The following STAG1 variants were observed in gnomAD, a reference collection of about 807,000 sequenced individuals.
STAG1 encodes the protein STAG1 cohesin complex component.
Under a neutral mutation model 170.9 loss-of-function variants are expected in STAG1, and 26 were observed. The ratio of observed to expected loss-of-function variants is 0.15; its 90% confidence interval spans 0.11 to 0.21. STAG1 has a LOEUF of 0.21. STAG1 is among the 10% of genes least tolerant of loss of function. The pLI is 1.00. For synonymous variants in STAG1, 514 were observed against 497.7 expected, an observed-to-expected ratio of 1.03 and a Z score of -0.44; for missense variants, 964 against 1,509.5, an observed-to-expected ratio of 0.64 and a Z score of 5.99.
chr3:136,666,404 G>A (rs1941776942), intron 1 of STAG1, among the ~76,000 whole-genome samples: 1 of 152,184 alleles, frequency 6.6e-6, no homozygotes, highest in South Asian at 2.1e-4. Context: ...TTCTAAATTT[G>A]TGGTAATTTA....
Position 136,472,511 on chromosome 3 carries a change from AAAAC to A in STAG1, c.1126-23_1126-20del, listed in dbSNP as rs749700006. On this transcript the variant is annotated intron_variant, in intron 11 of 33. Transcript: ENST00000383202. ...TGCGATCCTGAGAAAAAAAAGTTGT[AAAAC>A]AAACCAACTATGAACAGAAAATAAG... is the stretch of plus-strand genomic sequence containing the variant. The A allele has an allele frequency of 8.6e-5, 136 of 1,574,652 alleles. No individual in the cohort carries two copies. In the Admixed American group the frequency reaches 1.1e-3, roughly 13 times the overall value.
intron 1 of STAG1, among the ~76,000 whole-genome samples, chr3:136,687,849 G>A (rs1235919642): frequency 6.6e-6 from 1 of 151,276 alleles, no homozygotes; most frequent in Non-Finnish European, 1.5e-5. Flanking sequence ...TGATTCTCCT[G>A]CCTCAGCCTC....
chr3:136,688,012 C>T (rs1329922697), intron 1 of STAG1, among the ~76,000 whole-genome samples: 4 of 152,210 alleles, frequency 2.6e-5, no homozygotes, highest in African/African-American at 9.7e-5. Flanking sequence ...GCTGGGATTA[C>T]AGGCATGAGC....
chr3:136,741,890 G>A (rs957611353), intron 1 of STAG1, among the ~76,000 whole-genome samples: 5 of 152,172 alleles, frequency 3.3e-5, no homozygotes, highest in South Asian at 2.1e-4. Context: ...GCTCAAGATC[G>A]CTGGAGTGGC....
chr3:136,713,016 C>T (rs542726973), intron 1 of STAG1, among the ~76,000 whole-genome samples: 2 of 152,062 alleles, frequency 1.3e-5, no homozygotes, highest in South Asian at 2.1e-4. Flanking sequence ...ACTTGGAACC[C>T]GGGAGGCAGA....
intron 10 of STAG1, among the ~76,000 whole-genome samples, chr3:136,476,678 G>A: frequency 6.6e-6 from 1 of 152,084 alleles, no homozygotes. Flanking sequence ...TTGCTTTTAT[G>A]ATAAGTGCTC....
chr3:136,395,585 C>T (rs1048182862), intron 22 of STAG1, among the ~76,000 whole-genome samples: 2 of 152,084 alleles, frequency 1.3e-5, no homozygotes, highest in Admixed American at 1.3e-4. Context: ...TGCACCACTG[C>T]ACTCCTCCAG....
chr3:136,679,728 T>G lies in STAG1; in HGVS notation c.-83-48747A>C, dbSNP rs1319012614. Among the ~76,000 whole-genome samples the G allele has an allele frequency of 2.5e-5, 3 of 117,698 alleles. No homozygotes were observed. In the South Asian group the frequency reaches 8.8e-4, roughly 35 times the overall value. 77.2% of individuals were successfully genotyped at this position (117,698 alleles called of 152,430 possible). ...TGGGCGAAAGAGCAAGACTCCGTCT[T>G]AAAAAAAAAAAAAAAAAAAAAAAAT... On this transcript the variant is annotated intron_variant, in intron 1 of 33. Transcript: ENST00000383202.
At chr3:136,407,359 G>T (rs887886018) in intron 21 of STAG1, among the ~76,000 whole-genome samples, 1 of 152,180 alleles carries the variant, frequency 6.6e-6, no homozygotes, top group Admixed American at 6.5e-5. Flanking sequence ...TCAGCATACA[G>T]ATCTTGCACA....
intron 6 of STAG1, among the ~76,000 whole-genome samples, chr3:136,532,672 G>A (rs1365460655): frequency 1.3e-5 from 2 of 152,088 alleles, no homozygotes. Flanking sequence ...AAAACCCTAT[G>A]ATCATCTCAA....
chr3:136,463,180 C>T (rs987583761), intron 13 of STAG1, among the ~76,000 whole-genome samples: 9 of 152,190 alleles, frequency 5.9e-5, no homozygotes, highest in Non-Finnish European at 8.8e-5. Context: ...TAAGTCATGC[C>T]TGAAAACCTT....
At chr3:136,539,031 G>A (rs1417139427) in intron 6 of STAG1, among the ~76,000 whole-genome samples, 1 of 151,964 alleles carries the variant, frequency 6.6e-6, no homozygotes, top group Non-Finnish European at 1.5e-5. Context: ...CTACTCAGGA[G>A]GCTGAGGCAG....
intron 9 of STAG1, among the ~76,000 whole-genome samples, chr3:136,485,040 C>T (rs1021031382): frequency 6.6e-6 from 1 of 152,174 alleles, no homozygotes. Context: ...CCGTCTTCTG[C>T]GTCGCTCACG....
intron 7 of STAG1, among the ~76,000 whole-genome samples, chr3:136,515,738 A>G (rs756378616): frequency 1.4e-4 from 21 of 152,246 alleles, no homozygotes; most frequent in Non-Finnish European, 2.4e-4. Flanking sequence ...TCAAGTTATT[A>G]TAGACCTAAA....
intron 1 of STAG1, among the ~76,000 whole-genome samples, chr3:136,666,870 T>C (rs1412549878): frequency 6.7e-6 from 1 of 149,578 alleles, no homozygotes; most frequent in Non-Finnish European, 1.5e-5. Flanking sequence ...CTCCAAGTAG[T>C]GTGGCTTGTG....
At chr3:136,517,694 T>C (rs1468623641) in intron 7 of STAG1, among the ~76,000 whole-genome samples, 1 of 152,056 alleles carries the variant, frequency 6.6e-6, no homozygotes, top group South Asian at 2.1e-4. Flanking sequence ...AGTCTCAGAT[T>C]GTAAATCCAC....
Position 136,477,276 on chromosome 3 carries a change from C to T in STAG1, c.1026+13G>A, listed in dbSNP as rs747195672. The T allele has an allele frequency of 3.7e-6, 6 of 1,605,888 alleles. No individual in the cohort carries two copies. Among genetic ancestry groups the T allele is most frequent in the East Asian group, 4.5e-5 (2 of 44,596 alleles). ...ACATAACTTCCATCAAAGCTTAGAA[C>T]AGAGTAACTTACCCTGTCATGAAGA... On this transcript the variant is annotated intron_variant, in intron 10 of 33. Coordinates refer to ENST00000383202, the MANE Select transcript of STAG1 (RefSeq NM_005862.3).
At chr3:136,649,723 T>C (rs1941150766) in intron 1 of STAG1, among the ~76,000 whole-genome samples, 2 of 151,730 alleles carry the variant, frequency 1.3e-5, no homozygotes, top group African/African-American at 4.8e-5. Flanking sequence ...TGAGAGCAGC[T>C]TGGACAACAT....
chr3:136,704,609 C>T (rs571490650), intron 1 of STAG1, among the ~76,000 whole-genome samples: 1 of 151,800 alleles, frequency 6.6e-6, no homozygotes, highest in East Asian at 2.0e-4. Flanking sequence ...AGGCAGATCA[C>T]TTGAGCTCAG....
Sources: gnomAD v4.1 joint callset for allele counts (sites outside exome capture counted in the v4.1 genomes callset) on GRCh38, gnomAD v4.1.1 for gene constraint, MANE v1.5 for transcripts, NCBI Gene and HGNC (gene_info 2026-07-23, HGNC 2026-07-21) for gene names.